STPG2: variants seen among roughly 807,000 people sequenced by gnomAD.
STPG2 encodes the protein sperm tail PG-rich repeat containing 2.
Under a neutral mutation model 54.2 loss-of-function variants are expected in STPG2, and 56 were observed. The observed-to-expected ratio is 1.03, with a 90% CI of 0.83 to 1.29. The LOEUF (loss-of-function observed/expected upper bound fraction) is 1.29, where lower values mean the gene tolerates loss of function less well. STPG2 is among the 50% of genes most tolerant of loss of function. STPG2 has a pLI of 0.00. For missense variants in STPG2, 596 were observed against 544.9 expected (o/e 1.09, Z -0.93); for synonymous variants, 200 against 181.8 (o/e 1.10, Z -0.81).
chr4:97,807,574 A>G (rs1727609591), intron 9 of STPG2, among the ~76,000 whole-genome samples: 1 of 151,970 alleles, frequency 6.6e-6, no homozygotes. Context: ...CAGAAGAGAG[A>G]ATTGCTGAAC....
chr4:97,735,711 G>A (rs1396364954), intron 9 of STPG2, among the ~76,000 whole-genome samples: 3 of 150,570 alleles, frequency 2.0e-5, no homozygotes, highest in Non-Finnish European at 3.0e-5. Flanking sequence ...AAGGATATGT[G>A]TATATCATTA....
chr4:97,807,753 G>A (rs1442136540), intron 9 of STPG2, among the ~76,000 whole-genome samples: 2 of 151,660 alleles, frequency 1.3e-5, no homozygotes, highest in African/African-American at 4.8e-5. Flanking sequence ...TCTAAAACTG[G>A]AAAAATAAAG....
At chr4:97,880,709 C>CT (rs1730337974) in intron 8 of STPG2, among the ~76,000 whole-genome samples, 1 of 152,016 alleles carries the variant, frequency 6.6e-6, no homozygotes, top group South Asian at 2.1e-4. Flanking sequence ...CTAAAGAACA[C>CT]TTTTTTTCCT....
At position 97,981,854 on chromosome 4, in the gene STPG2, T is replaced by TATATAA. The variant is rs1176311937; in HGVS notation, c.613-537_613-536insTTATAT. Among the ~76,000 whole-genome samples the TATATAA allele has an allele frequency of 1.9e-3, 285 of 147,552 alleles. 3 individuals carry two copies. Among genetic ancestry groups the TATATAA allele is most frequent in the Middle Eastern group, 0.011 (3 of 276 alleles). ...ATGTTTATATATATATATATATATA[T>TATATAA]AACTATAAATTCATGAGATATAGCA... On this transcript the variant is annotated intron_variant, in intron 5 of 10. Coordinates refer to ENST00000295268, the MANE Select transcript of STPG2 (RefSeq NM_174952.3).
At chr4:98,114,952 TACA>T (rs1739475355) in intron 3 of STPG2, among the ~76,000 whole-genome samples, 1 of 151,750 alleles carries the variant, frequency 6.6e-6, no homozygotes, top group African/African-American at 2.4e-5. Flanking sequence ...ATCTCTAAAT[TACA>T]GTTTCTTTTA....
chr4:97,487,038 TAAGCTATGAGGATGCA>T (rs1365485291), intron 4 of STPG2, among the ~76,000 whole-genome samples: 1 of 151,376 alleles, frequency 6.6e-6, no homozygotes, highest in Non-Finnish European at 1.5e-5. Context: ...ATGTGGGAGC[TAAGCTATGAGGATGCA>T]AAGTCATAAG....
chr4:97,680,187 G>T (rs1315197219), intron 10 of STPG2, among the ~76,000 whole-genome samples: 1 of 151,292 alleles, frequency 6.6e-6, no homozygotes, highest in African/African-American at 2.4e-5. Flanking sequence ...GCTTGATGGG[G>T]ATGGCATTGA....
chr4:98,067,618 T>C (rs1737873967), intron 5 of STPG2, among the ~76,000 whole-genome samples: 1 of 152,166 alleles, frequency 6.6e-6, no homozygotes, highest in Admixed American at 6.5e-5. Context: ...GAAAAATATG[T>C]TTAATGTCTT....
intron 10 of STPG2, among the ~76,000 whole-genome samples, chr4:97,701,970 A>C (rs1374818465): frequency 6.6e-6 from 1 of 152,190 alleles, no homozygotes; most frequent in African/African-American, 2.4e-5. Flanking sequence ...AGAGAAGAGC[A>C]ATTACAGAGC....
At chr4:97,449,989 C>A (rs1365634686) in intron 4 of STPG2, among the ~76,000 whole-genome samples, 2 of 151,932 alleles carry the variant, frequency 1.3e-5, no homozygotes, top group Non-Finnish European at 2.9e-5. Context: ...TAAAAAGTCA[C>A]CAATACTTAT....
chr4:97,831,182 C>T (rs1398898804), intron 9 of STPG2, among the ~76,000 whole-genome samples: 1 of 152,108 alleles, frequency 6.6e-6, no homozygotes, highest in Admixed American at 6.5e-5. Flanking sequence ...TCTCTCAGAC[C>T]ACAGTGCAAT....
chr4:97,565,754 C>T (rs753190242), intron 10 of STPG2, among the ~76,000 whole-genome samples: 8 of 152,230 alleles, frequency 5.3e-5, no homozygotes, highest in South Asian at 2.1e-4. Flanking sequence ...AGCGGATTTT[C>T]GTGAACTGTG....
chr4:97,960,111 A>G (rs1257226156), intron 7 of STPG2, among the ~76,000 whole-genome samples: 1 of 152,200 alleles, frequency 6.6e-6, no homozygotes, highest in Admixed American at 6.5e-5. Context: ...TGATCATCTC[A>G]ATAGATGCAG....
chr4:97,717,742 TC>T (rs1724335536), intron 9 of STPG2, among the ~76,000 whole-genome samples: 1 of 152,148 alleles, frequency 6.6e-6, no homozygotes, highest in South Asian at 2.1e-4. Context: ...TAATACAGTT[TC>T]TGTGTGAATT....
intron 10 of STPG2, among the ~76,000 whole-genome samples, chr4:97,635,047 C>A (rs1721458801): frequency 6.6e-6 from 1 of 151,928 alleles, no homozygotes; most frequent in African/African-American, 2.4e-5. Flanking sequence ...GTCAGATTCA[C>A]CAAAGTTGAA....
chr4:97,877,741 T>C (rs1045441848), intron 8 of STPG2, among the ~76,000 whole-genome samples: 1 of 152,040 alleles, frequency 6.6e-6, no homozygotes, highest in Non-Finnish European at 1.5e-5. Context: ...CCAAACTATA[T>C]CATTCCACCC....
In STPG2 at chr4:97,981,035, G is replaced by A. The variant is rs115064200; in HGVS notation, c.772+124C>T. 1.2e-3 allele frequency: 1,170 copies of A among 956,282 alleles called. 5 individuals are homozygous for A. In the African/African-American group the frequency reaches 0.018, roughly 14 times the overall value. 59.2% of individuals were successfully genotyped at this position (956,282 alleles called of 1,614,324 possible). A position where few individuals can be genotyped will look rare whatever the true frequency, so the allele number is the denominator to read the frequency against. ...TATAGTGAATGCTTTAAAAAATGTTGACTTAAAATGACACCAACCATAGGA... is the reference window on the plus strand; with the variant it reads ...TATAGTGAATGCTTTAAAAAATGTTAACTTAAAATGACACCAACCATAGGA... On this transcript the variant is annotated intron_variant, in intron 6 of 10. Transcript: ENST00000295268.
chr4:97,761,591 T>C (rs1578542143), intron 9 of STPG2, among the ~76,000 whole-genome samples: 1 of 152,136 alleles, frequency 6.6e-6, no homozygotes, highest in South Asian at 2.1e-4. Flanking sequence ...ATGGCAGCCC[T>C]GGCAAACCAA....
intron 9 of STPG2, among the ~76,000 whole-genome samples, chr4:97,765,458 T>G (rs1726013864): frequency 1.3e-5 from 2 of 152,148 alleles, no homozygotes; most frequent in African/African-American, 4.8e-5. Flanking sequence ...ATGATAGATT[T>G]GGACATGTGA....
Sources: allele counts gnomAD v4.1 joint callset (sites outside exome capture counted in the v4.1 genomes callset), GRCh38; gene constraint gnomAD v4.1.1; transcripts MANE v1.5; gene names NCBI Gene and HGNC (gene_info 2026-07-23, HGNC 2026-07-21).